The following UGDH variants were observed in gnomAD, a reference collection of about 807,000 sequenced individuals.
The protein encoded by UGDH is UDP-glucose 6-dehydrogenase.
UGDH carries 38 observed loss-of-function variants against 50.6 expected under a neutral mutation model. The observed-to-expected ratio is 0.75, with a 90% CI of 0.58 to 0.98. The LOEUF is 0.98. Ranked by LOEUF, UGDH falls within the 50% of genes least tolerant of loss-of-function variation. The pLI is 0.00. For synonymous variants in UGDH, 168 were observed against 199.9 expected (o/e 0.84, Z 1.35); for missense variants, 465 against 606.2 (o/e 0.77, Z 2.45).
intron 11 of UGDH, among the ~76,000 whole-genome samples, chr4:39,500,628 C>T (rs1194740398): frequency 1.3e-5 from 2 of 151,282 alleles, no homozygotes; most frequent in East Asian, 3.9e-4. Flanking sequence ...ACTAAAAAAC[C>T]TGCAAAAGCT....
chr4:39,502,944 T>G (rs563982983), intron 11 of UGDH, among the ~76,000 whole-genome samples: 88 of 151,622 alleles, frequency 5.8e-4, no homozygotes, highest in African/African-American at 1.9e-3. Context: ...CAAAACGGAG[T>G]CTTGCTCTGT....
chr4:39,512,698 C>A (rs1746288411), intron 3 of UGDH, among the ~76,000 whole-genome samples: 1 of 151,828 alleles, frequency 6.6e-6, no homozygotes, highest in African/African-American at 2.4e-5. Flanking sequence ...AAAATATTTT[C>A]TTATTTTTTT....
At position 39,500,317 on chromosome 4, in the gene UGDH, T is replaced by C. The variant is rs1745749410; in HGVS notation, c.1375-64A>G. 2.2e-5 allele frequency: 23 copies of C among 1,045,814 alleles called. No homozygotes were observed. In the South Asian group the frequency reaches 3.9e-4, roughly 18 times the overall value. The allele number at this position is 1,045,814 out of a possible 1,614,324, so 64.8% of individuals were successfully genotyped here. On this transcript the variant is annotated intron_variant, in intron 11 of 11. Coordinates refer to ENST00000316423, the MANE Select transcript of UGDH (RefSeq NM_003359.4). ...TATATAAGTGTAAGAATTTATAATG[T>C]ACTGAAATGGGAGCAGGGGGAATCT... is the stretch of plus-strand genomic sequence containing the variant.
At chr4:39,524,539 G>C (rs1746799138) in intron 1 of UGDH, among the ~76,000 whole-genome samples, 1 of 148,046 alleles carries the variant, frequency 6.8e-6, no homozygotes, top group Non-Finnish European at 1.5e-5. Flanking sequence ...GTCTCACTCT[G>C]TTGCCCAGGC....
chr4:39,507,016 A>G (rs75300175), intron 7 of UGDH, among the ~76,000 whole-genome samples: 1 of 152,366 alleles, frequency 6.6e-6, no homozygotes, highest in East Asian at 1.9e-4. Flanking sequence ...TTTTAAAAAA[A>G]GAAACGTGCA....
intron 9 of UGDH, among the ~76,000 whole-genome samples, 195 bp downstream of exon 9, chr4:39,505,042 A>G (rs1290701722): frequency 6.6e-6 from 1 of 152,184 alleles, no homozygotes; most frequent in African/African-American, 2.4e-5. Flanking sequence ...GGAAAAATCA[A>G]TGGACCAATC....
Position 39,504,446 on chromosome 4 carries a change from C to T in UGDH, c.1234G>A (p.Val412Ile). Reference protein sequence around the residue: ...YEACDGAHAVVICTEWDMFKE... With the variant: ...YEACDGAHAVIICTEWDMFKE... ...AACATGTCCCACTCAGTGCAAATAA[C>T]AACAGCATGGGCACCATCACATGCT... Residue 412 changes from valine to isoleucine, a missense_variant, in exon 10 of 12, where the codon GTT becomes ATT. By Grantham distance (29) the Val-to-Ile change is conservative (BLOSUM62 3). Coordinates refer to ENST00000316423, the MANE Select transcript of UGDH (RefSeq NM_003359.4). The T allele has an allele frequency of 6.2e-7, 1 of 1,614,098 alleles. No individual in the cohort carries two copies.
intron 11 of UGDH, among the ~76,000 whole-genome samples, chr4:39,501,180 C>T (rs1745794916): frequency 6.6e-6 from 1 of 151,722 alleles, no homozygotes; most frequent in South Asian, 2.1e-4. Flanking sequence ...GTTGGCCAAG[C>T]TGGTCTCGAA....
chr4:39,523,528 G>A (rs1218999739), intron 1 of UGDH, among the ~76,000 whole-genome samples: 2 of 152,114 alleles, frequency 1.3e-5, no homozygotes, highest in African/African-American at 4.8e-5. Flanking sequence ...ATTCTGGCCA[G>A]GCACGGTGGC....
At chr4:39,525,382 C>T (rs1328345382) in intron 1 of UGDH, among the ~76,000 whole-genome samples, 1 of 151,788 alleles carries the variant, frequency 6.6e-6, no homozygotes, top group Non-Finnish European at 1.5e-5. Context: ...TTAGTAGAGA[C>T]GGGGTTTCAC....
At chr4:39,508,840 C>T (rs1274951483) in intron 6 of UGDH, among the ~76,000 whole-genome samples, 180 bp from the exon 7 acceptor site, 1 of 151,524 alleles carries the variant, frequency 6.6e-6, no homozygotes, top group Non-Finnish European at 1.5e-5. Context: ...AACAACTCCA[C>T]AAGTAACTTC....
intron 11 of UGDH, among the ~76,000 whole-genome samples, chr4:39,502,028 T>C (rs1684535638): frequency 6.6e-6 from 1 of 152,224 alleles, no homozygotes; most frequent in African/African-American, 2.4e-5. Context: ...TCTCCTTATT[T>C]AGTGATTCCA....
intron 7 of UGDH, among the ~76,000 whole-genome samples, chr4:39,506,404 C>A (rs1746027602): frequency 6.6e-6 from 1 of 152,142 alleles, no homozygotes; most frequent in South Asian, 2.1e-4. Context: ...GGAAACCATA[C>A]TATCCTTAGT....
chr4:39,506,787 T>C (rs987363916), intron 7 of UGDH, among the ~76,000 whole-genome samples: 26 of 152,184 alleles, frequency 1.7e-4, no homozygotes, highest in African/African-American at 6.0e-4. Flanking sequence ...TCTGCATTTT[T>C]CACACAATGA....
chr4:39,526,870 G>A (rs1240877843), intron 1 of UGDH, among the ~76,000 whole-genome samples: 1 of 152,134 alleles, frequency 6.6e-6, no homozygotes, highest in Non-Finnish European at 1.5e-5. Context: ...AGAAAAGCAG[G>A]AGCCCCTCAG....
intron 2 of UGDH, among the ~76,000 whole-genome samples, chr4:39,515,742 C>A (rs1746416232): frequency 6.6e-6 from 1 of 152,172 alleles, no homozygotes; most frequent in African/African-American, 2.4e-5. Flanking sequence ...CTCTGTCACC[C>A]TGGCTGGAGT....
At chr4:39,524,710 T>G (rs1345209332) in intron 1 of UGDH, among the ~76,000 whole-genome samples, 1 of 152,178 alleles carries the variant, frequency 6.6e-6, no homozygotes, top group Non-Finnish European at 1.5e-5. Flanking sequence ...GTTTTCACCA[T>G]GTGGGCCAGG....
rs1400419398 is a variant in UGDH at position 39,499,364 on chromosome 4, C to CA, written c.*778dup. 4 of 151,970 alleles carry CA rather than the reference C, an allele frequency of 2.6e-5. No individual in the cohort carries two copies. Among genetic ancestry groups the CA allele is most frequent in the Admixed American group, 2.6e-4 (4 of 15,256 alleles). The allele number at this position is 151,970 out of a possible 1,614,324, so 9.4% of individuals were successfully genotyped here. A position where few individuals can be genotyped will look rare whatever the true frequency, so the allele number is the denominator to read the frequency against. On this transcript the variant is annotated 3_prime_UTR_variant, in exon 12 of 12. Coordinates refer to ENST00000316423, the MANE Select transcript of UGDH (RefSeq NM_003359.4). ...ACACATTTTATTAAAACAAAAGGAA[C>CA]AAAGGAACTTTAACCAGACCATACA...
rs116155250 is a variant in UGDH at position 39,502,861 on chromosome 4, G to C, written c.1374+1014C>G. On this transcript the variant is annotated intron_variant, in intron 11 of 11. Transcript: ENST00000316423. Reference sequence around the variant, plus strand: ...TGCTGGGCTCAAGCAATCCTCCCACGTCAGCCTCCCATGTGGCTGGGATTA... The same window carrying C: ...TGCTGGGCTCAAGCAATCCTCCCACCTCAGCCTCCCATGTGGCTGGGATTA... 4.2e-3 allele frequency among the ~76,000 whole-genome samples: 639 copies of C among 151,342 alleles called. 4 individuals are homozygous for C. Among genetic ancestry groups the C allele is most frequent in the African/African-American group, 0.015 (604 of 40,892 alleles).
Sources: gnomAD v4.1 joint callset for allele counts (sites outside exome capture counted in the v4.1 genomes callset) on GRCh38, gnomAD v4.1.1 for gene constraint, MANE v1.5 for transcripts, NCBI Gene and HGNC (gene_info 2026-07-23, HGNC 2026-07-21) for gene names.